The following BRF1 variants were observed in gnomAD, a reference collection of about 807,000 sequenced individuals.
BRF1 encodes transcription factor IIIB 90 kDa subunit.
A neutral mutation model predicts 81.7 loss-of-function variants in BRF1; 59 were observed. That is an observed-to-expected ratio of 0.72 (90% CI 0.59 to 0.90). BRF1 has a LOEUF of 0.90. Ranked by LOEUF, BRF1 falls within the 40% of genes least tolerant of loss-of-function variation. BRF1 has a pLI of 0.00. For synonymous variants in BRF1, 491 were observed against 395.6 expected, an observed-to-expected ratio of 1.24 and a Z score of -2.86; for missense variants, 1,050 against 936.3, an observed-to-expected ratio of 1.12 and a Z score of -1.58.
chr14:105,298,083 G>A (rs587697226), intron 1 of BRF1, among the ~76,000 whole-genome samples: 42 of 152,334 alleles, frequency 2.8e-4, no homozygotes, highest in African/African-American at 9.9e-4. Context: ...GCTCACTGGA[G>A]CATCTCAGAT....
intron 5 of BRF1, chr14:105,242,244 C>T (rs182772384): frequency 6.6e-6 from 1 of 152,280 alleles, no homozygotes; most frequent in African/African-American, 2.4e-5. Flanking sequence ...CGCATCAAGA[C>T]ACCTCACATG....
intron 10 of BRF1, among the ~76,000 whole-genome samples, chr14:105,225,669 A>C (rs1370149100): frequency 6.6e-6 from 1 of 151,070 alleles, no homozygotes; most frequent in Non-Finnish European, 1.5e-5. Context: ...TTTGTTTGAG[A>C]CGGAGTCTCG....
intron 5 of BRF1, 196 bp downstream of exon 5, chr14:105,252,311 G>C (rs2140306061): frequency 1.1e-6 from 1 of 947,832 alleles, no homozygotes; most frequent in East Asian, 1.2e-4. Context: ...CTGCACTCCA[G>C]CCTGGACAAC....
intron 1 of BRF1, among the ~76,000 whole-genome samples, chr14:105,290,849 C>A (rs2057479864): frequency 6.6e-6 from 1 of 151,958 alleles, no homozygotes. Context: ...CGCTGCTGCA[C>A]CTGCTCTGGA....
At chr14:105,281,292 T>C in intron 2 of BRF1, among the ~76,000 whole-genome samples, 1 of 138,278 alleles carries the variant, frequency 7.2e-6, no homozygotes. Context: ...GGATACAGCC[T>C]GTGTGATCCT....
chr14:105,305,339 C>CT (rs771271388), upstream of BRF1, among the ~76,000 whole-genome samples: 1 of 152,102 alleles, frequency 6.6e-6, no homozygotes, highest in East Asian at 1.9e-4. Context: ...AAAGTTGAGG[C>CT]TGCAGTGAGC....
rs879267144 is a variant in BRF1 at position 105,229,596 on chromosome 14, C to T, written c.695-683G>A. 3.3e-4 allele frequency among the ~76,000 whole-genome samples: 50 copies of T among 152,320 alleles called. 1 individual carries two copies. The highest frequency in any genetic ancestry group is 5.9e-4 in the Admixed American group (9 of 15,296). On this transcript the variant is annotated intron_variant, in intron 6 of 17. Transcript: ENST00000547530. ...GTGAGAGTCTGAGTGACAGCTGCGA[C>T]CTGGGGGGTCACAGAGGTCCAACTA...
chr14:105,252,966 T>TGGGCCCAG (rs1359500773), intron 4 of BRF1, among the ~76,000 whole-genome samples: 2 of 152,224 alleles, frequency 1.3e-5, no homozygotes, highest in Non-Finnish European at 2.9e-5. Context: ...CAGATTCCGA[T>TGGGCCCAG]GGGCCCAGGG....
intron 15 of BRF1, among the ~76,000 whole-genome samples, chr14:105,216,116 G>A (rs999297855): frequency 1.6e-4 from 24 of 152,006 alleles, no homozygotes; most frequent in Non-Finnish European, 2.5e-4. Flanking sequence ...GGCACACACT[G>A]CATGCACACA....
intron 2 of BRF1, among the ~76,000 whole-genome samples, chr14:105,281,422 G>T (rs912178116): frequency 6.8e-6 from 1 of 147,668 alleles, no homozygotes; most frequent in African/African-American, 2.5e-5. Context: ...CCAGGTGTGA[G>T]GTGGAGGCCG....
intron 5 of BRF1, chr14:105,248,463 C>T (rs2055282734): frequency 1.0e-6 from 1 of 985,080 alleles, no homozygotes; most frequent in African/African-American, 1.7e-5. Context: ...GAAGCTCGAG[C>T]AGCTTCGAGG....
intron 3 of BRF1, among the ~76,000 whole-genome samples, chr14:105,268,777 C>T (rs1462588437): frequency 1.3e-5 from 2 of 152,188 alleles, no homozygotes; most frequent in African/African-American, 4.8e-5. Flanking sequence ...CTGCTGACGG[C>T]AGGGTGGAGG....
chr14:105,263,234 C>CAAAA (rs760613469), intron 3 of BRF1, among the ~76,000 whole-genome samples: 835 of 83,478 alleles, frequency 0.01, 32 homozygotes, highest in African/African-American at 0.039. Context: ...AAGACTCCAT[C>CAAAA]AAAAAAAAAA....
Position 105,241,471 on chromosome 14 carries a change from G to C in BRF1, c.545-57C>G, listed in dbSNP as rs1595349679. 21 of 1,599,730 alleles carry C rather than the reference G, an allele frequency of 1.3e-5. No homozygotes were observed. In the East Asian group the frequency reaches 4.7e-4, roughly 36 times the overall value. On this transcript the variant is annotated intron_variant, in intron 5 of 17. Transcript: ENST00000547530. ...TCCATGTGCCATGGCACGTGCACAG[G>C]CGGCCCACGCAGCCCAGGGGTGGGG...
chr14:105,294,863 C>T (rs761119877), intron 1 of BRF1, among the ~76,000 whole-genome samples: 70 of 152,184 alleles, frequency 4.6e-4, no homozygotes, highest in Non-Finnish European at 8.2e-4. Flanking sequence ...TCAACACAAG[C>T]GGCTAATTCA....
At position 105,221,752 on chromosome 14, in the gene BRF1, C is replaced by G. The variant is rs1451101973; in HGVS notation, c.1211G>C (p.Arg404Thr). Reference protein sequence around the residue: ...EAAGSPEWGGRPPALGSLLDP... With the variant: ...EAAGSPEWGGTPPALGSLLDP... ...CAGCAGGGACCCCAGGGCCGGAGGT[C>G]TGCCGCCCCACTCGGGGCTTCCTGC... The change falls in exon 11 of 18, where the codon AGA becomes ACA. Residue 404 changes from arginine (R) to threonine (T), a missense_variant. Arg to Thr is a moderately conservative substitution (Grantham distance 71). Around this residue, in one of 2 missense-constraint regions of BRF1, gnomAD observed 1,043 missense variants for 915.4 expected, o/e 1.14. Transcript: ENST00000547530. The G allele has an allele frequency of 6.2e-7, 1 of 1,611,018 alleles. No individual in the cohort carries two copies. Among genetic ancestry groups the G allele is most frequent in the Admixed American group, 1.7e-5 (1 of 59,678 alleles).
chr14:105,220,103 T>C lies in BRF1; in HGVS notation c.1343A>G (p.Asp448Gly), dbSNP rs758037474. The C allele has an allele frequency of 1.2e-6, 2 of 1,613,424 alleles. No individual in the cohort carries two copies. The highest frequency in any genetic ancestry group is 1.7e-6 in the Non-Finnish European group (2 of 1,179,998). The change falls in exon 12 of 18, where the codon GAC becomes GGC. Residue 448 changes from aspartate to glycine, a missense_variant. Asp to Gly is a moderately conservative substitution (Grantham distance 94). Transcript: ENST00000547530. Reference sequence around the variant, plus strand: ...CTCCAGGTCATCAATGCCACTGAGGTCCAGCTCACCGTCTCCTGAAGCATC... The same window carrying C: ...CTCCAGGTCATCAATGCCACTGAGGCCCAGCTCACCGTCTCCTGAAGCATC... The part of the protein sequence containing the change: ...PKDASGDGEL[D>G]LSGIDDLEID...
chr14:105,214,815 C>T (rs1890811497), intron 15 of BRF1, among the ~76,000 whole-genome samples: 1 of 152,160 alleles, frequency 6.6e-6, no homozygotes, highest in African/African-American at 2.4e-5. Flanking sequence ...CTTGATGGTC[C>T]CTCCCCACCA....
At chr14:105,301,491 C>T (rs2140609046), upstream of BRF1, among the ~76,000 whole-genome samples, 1 of 151,508 alleles carries the variant, frequency 6.6e-6, no homozygotes, top group South Asian at 2.1e-4. Context: ...GGACCCAACC[C>T]CGGGCTCTGG....
Sources: allele counts gnomAD v4.1 joint callset (sites outside exome capture counted in the v4.1 genomes callset), GRCh38; gene constraint gnomAD v4.1.1; regional missense constraint gnomAD v4.1.1; transcripts MANE v1.5; gene names NCBI Gene and HGNC (gene_info 2026-07-23, HGNC 2026-07-21).